B3GALT1: variants seen among roughly 807,000 people sequenced by gnomAD.
B3GALT1 encodes the protein beta-1,3-galactosyltransferase 1.
B3GALT1 carries 10 observed loss-of-function variants against 23.2 expected under a neutral mutation model. The observed-to-expected ratio is 0.43, with a 90% confidence interval of 0.27 to 0.73. The LOEUF is 0.73. Ranked by LOEUF, B3GALT1 falls within the 30% of genes least tolerant of loss-of-function variation. The probability of loss-of-function intolerance (pLI) is 0.21; values close to 1 mark genes in which losing one functional copy is unlikely to be tolerated. For synonymous variants in B3GALT1, 156 were observed against 141.5 expected, an observed-to-expected ratio of 1.10 and a Z score of -0.73; for missense variants, 299 against 405.4, an observed-to-expected ratio of 0.74 and a Z score of 2.25.
chr2:167,737,649 C>T (rs1687513119), intron 3 of B3GALT1, among the ~76,000 whole-genome samples: 1 of 152,188 alleles, frequency 6.6e-6, no homozygotes, highest in South Asian at 2.1e-4. Context: ...TGGAGAACTG[C>T]CCTGAAGGAG....
intron 2 of B3GALT1, among the ~76,000 whole-genome samples, chr2:167,623,096 G>A (rs566368371): frequency 3.4e-4 from 51 of 152,182 alleles, no homozygotes; most frequent in Non-Finnish European, 5.7e-4. Flanking sequence ...TTAGAATGGC[G>A]ATCATTGAAA....
intron 3 of B3GALT1, among the ~76,000 whole-genome samples, chr2:167,705,541 G>C (rs1431902537): frequency 1.3e-5 from 2 of 152,118 alleles, no homozygotes; most frequent in Non-Finnish European, 2.9e-5. Flanking sequence ...GCATAGCTCT[G>C]TCTTTGGTAA....
rs1211999226 is a variant in B3GALT1 at position 167,521,980 on chromosome 2, G to GTATATATATATATATA, written c.-410+31704_-410+31705insATATATATATATATAT. ...ATTACCAACATATATGTGTGTGTGT[G>GTATATATATATATATA]TGTGTATATATATATATATATATAT... On this transcript the variant is annotated intron_variant, in intron 2 of 4. Coordinates refer to ENST00000392690, the MANE Select transcript of B3GALT1 (RefSeq NM_020981.4). 1.2e-4 allele frequency among the ~76,000 whole-genome samples: 15 copies of GTATATATATATATATA among 128,132 alleles called. No homozygotes were observed. The East Asian group carries it at 3.0e-3, about 26-fold the overall frequency. The allele number at this position is 128,132 out of a possible 152,430, so 84.1% of individuals were successfully genotyped here. A position where few individuals can be genotyped will look rare whatever the true frequency, so the allele number is the denominator to read the frequency against.
At chr2:167,493,569 T>C (rs748963351) in intron 2 of B3GALT1, among the ~76,000 whole-genome samples, 4 of 152,208 alleles carry the variant, frequency 2.6e-5, no homozygotes, top group African/African-American at 4.8e-5. Flanking sequence ...AACATTCTTA[T>C]GCAGTTTTTA....
chr2:167,803,109 CACACACACACA>C (rs1232323777), intron 3 of B3GALT1, among the ~76,000 whole-genome samples: 11 of 143,004 alleles, frequency 7.7e-5, no homozygotes, highest in African/African-American at 2.5e-4. Context: ...CACACACACA[CACACACACACA>C]CCCCTTGGTT....
At chr2:167,564,291 C>A (rs1452985226) in intron 2 of B3GALT1, among the ~76,000 whole-genome samples, 2 of 151,824 alleles carry the variant, frequency 1.3e-5, no homozygotes, top group South Asian at 4.2e-4. Flanking sequence ...CGCTCCCCCC[C>A]TCCCAGATGT....
intron 2 of B3GALT1, among the ~76,000 whole-genome samples, chr2:167,549,102 C>T (rs138857276): frequency 3.9e-5 from 6 of 152,282 alleles, no homozygotes; most frequent in East Asian, 3.9e-4. Context: ...GTTTCTAACT[C>T]ATTACTGACA....
chr2:167,583,742 T>C (rs1192216231), intron 2 of B3GALT1, among the ~76,000 whole-genome samples: 1 of 152,156 alleles, frequency 6.6e-6, no homozygotes, highest in Non-Finnish European at 1.5e-5. Flanking sequence ...AATTCTTAAA[T>C]TTTTTAATTT....
At chr2:167,320,011 C>T (rs532279720) in intron 1 of B3GALT1, among the ~76,000 whole-genome samples, 4 of 152,160 alleles carry the variant, frequency 2.6e-5, no homozygotes, top group African/African-American at 4.8e-5. Context: ...ATGATTTGGA[C>T]CCAGATCAGT....
intron 4 of B3GALT1, among the ~76,000 whole-genome samples, chr2:167,838,413 A>T (rs1689543337): frequency 6.6e-6 from 1 of 152,302 alleles, no homozygotes; most frequent in South Asian, 2.1e-4. Context: ...ACGGAAATAA[A>T]CTAGAAAATC....
intron 2 of B3GALT1, among the ~76,000 whole-genome samples, chr2:167,502,980 A>G (rs1417640983): frequency 6.6e-6 from 1 of 152,172 alleles, no homozygotes; most frequent in African/African-American, 2.4e-5. Context: ...CAGAGGTTGC[A>G]GTGAGCCGAG....
chr2:167,773,552 G>A (rs949271407), intron 3 of B3GALT1, among the ~76,000 whole-genome samples: 2 of 152,204 alleles, frequency 1.3e-5, no homozygotes, highest in Non-Finnish European at 1.5e-5. Flanking sequence ...GAAATTAACT[G>A]CAGAAGAGCA....
In B3GALT1 at chr2:167,345,677, A is replaced by G. The variant is rs182917049; in HGVS notation, c.-511+52343A>G. On this transcript the variant is annotated intron_variant, in intron 1 of 4. Coordinates refer to ENST00000392690, the MANE Select transcript of B3GALT1 (RefSeq NM_020981.4). Reference sequence around the variant, plus strand: ...ACAAATATGTGCTCGCTGTTATGTCAGTAGGTGAAAATAAGACACAGTACT... The same window carrying G: ...ACAAATATGTGCTCGCTGTTATGTCGGTAGGTGAAAATAAGACACAGTACT... Among the ~76,000 whole-genome samples, 11 of 152,260 alleles carry G rather than the reference A, an allele frequency of 7.2e-5. No individual in the cohort carries two copies. The East Asian group carries it at 2.1e-3, about 29-fold the overall frequency.
At chr2:167,406,580 G>T (rs183638106) in intron 1 of B3GALT1, among the ~76,000 whole-genome samples, 2 of 152,098 alleles carry the variant, frequency 1.3e-5, no homozygotes, top group Non-Finnish European at 2.9e-5. Context: ...ATGGTCAGCC[G>T]GCTTCCCCAC....
intron 1 of B3GALT1, among the ~76,000 whole-genome samples, chr2:167,299,550 T>G (rs1696412474): frequency 6.6e-6 from 1 of 152,198 alleles, no homozygotes; most frequent in Admixed American, 6.5e-5. Context: ...TAATGCATGT[T>G]GATTTCTCTT....
chr2:167,781,713 TG>T (rs1486406083), intron 3 of B3GALT1, among the ~76,000 whole-genome samples: 1 of 151,576 alleles, frequency 6.6e-6, no homozygotes, highest in South Asian at 2.1e-4. Context: ...TGGTTGGAGG[TG>T]GGGGGTGTTG....
At chr2:167,462,004 C>T (rs1699265457) in intron 1 of B3GALT1, among the ~76,000 whole-genome samples, 1 of 152,124 alleles carries the variant, frequency 6.6e-6, no homozygotes, top group Admixed American at 6.6e-5. Context: ...AAATAACCTC[C>T]CTCACACCAC....
chr2:167,457,223 A>C (rs1241886957), intron 1 of B3GALT1, among the ~76,000 whole-genome samples: 10 of 152,012 alleles, frequency 6.6e-5, no homozygotes, highest in Admixed American at 6.6e-4. Flanking sequence ...CCCAGGCTGG[A>C]GTGCAGTGGC....
At chr2:167,615,940 A>G (rs57667457) in intron 2 of B3GALT1, among the ~76,000 whole-genome samples, 2,182 of 152,154 alleles carry the variant, frequency 0.014, 46 homozygotes, top group African/African-American at 0.039. Context: ...TGAACCCAGC[A>G]CACAGGTAGA....
Sources: allele counts gnomAD v4.1 joint callset (sites outside exome capture counted in the v4.1 genomes callset), GRCh38; gene constraint gnomAD v4.1.1; transcripts MANE v1.5; gene names NCBI Gene and HGNC (gene_info 2026-07-23, HGNC 2026-07-21).